UGT2B17: variants seen among roughly 807,000 people sequenced by gnomAD.
UGT2B17 encodes the protein UDP glucuronosyltransferase family 2 member B17.
UGT2B17 carries 21 observed loss-of-function variants against 48.2 expected under a neutral mutation model. The observed-to-expected ratio is 0.44, with a 90% CI of 0.31 to 0.63. The LOEUF (loss-of-function observed/expected upper bound fraction) is 0.63, where lower values mean the gene tolerates loss of function less well. UGT2B17 is among the 20% of genes least tolerant of loss of function. The pLI is 0.08. For missense variants in UGT2B17, 402 were observed against 696.1 expected (o/e 0.58, Z 4.75); for synonymous variants, 146 against 238.4 (o/e 0.61, Z 3.57).
chr4:68,573,133 C>T (rs1253863229), intron 1 of UGT2B17, among the ~76,000 whole-genome samples: 1 of 127,326 alleles, frequency 7.9e-6, no homozygotes, highest in Admixed American at 7.9e-5. Flanking sequence ...TAGGTTTTTC[C>T]TAAGAGTTAG....
intron 3 of UGT2B17, 73 bp downstream of exon 3, chr4:68,565,499 A>C (rs1229292323): frequency 8.5e-7 from 1 of 1,180,582 alleles, no homozygotes; most frequent in Non-Finnish European, 1.1e-6. Context: ...TGAGTTAAAC[A>C]CTCTGAAAGA....
rs1393287672 is a variant in UGT2B17 at position 68,562,410 on chromosome 4, G to A, written c.874-1742C>T. ...TTACAGGCTTGAGCCACTGTGCCCG[G>A]TCTGATATCAGTTTTAATTGGAGAT... On this transcript the variant is annotated intron_variant, in intron 3 of 6. Transcript: ENST00000317746. Among the ~76,000 whole-genome samples, 9 of 126,272 alleles carry A rather than the reference G, an allele frequency of 7.1e-5. 2 individuals carry two copies. The highest frequency in any genetic ancestry group is 6.7e-5 in the Non-Finnish European group (4 of 59,672). The allele number at this position is 126,272 out of a possible 152,430, so 82.8% of individuals were successfully genotyped here.
rs1296868554 is a variant in UGT2B17, at chr4:68,546,442, A to G, written c.1313+4235T>C. Among the ~76,000 whole-genome samples the G allele has an allele frequency of 1.6e-5, 2 of 126,544 alleles. 1 individual carries two copies. Among genetic ancestry groups the G allele is most frequent in the African/African-American group, 5.4e-5 (2 of 37,032 alleles). 83.0% of individuals were successfully genotyped at this position (126,544 alleles called of 152,430 possible). Reference sequence around the variant, plus strand: ...GGAGTATCTCCAAATAATAAGAGTTATCTATGACAAACCCACAGCAAATAT... The same window carrying G: ...GGAGTATCTCCAAATAATAAGAGTTGTCTATGACAAACCCACAGCAAATAT... On this transcript the variant is annotated intron_variant, in intron 6 of 6. Coordinates refer to ENST00000317746, the MANE Select transcript of UGT2B17 (RefSeq NM_001077.4).
At chr4:68,558,626 G>A (rs370206777) in intron 4 of UGT2B17, among the ~76,000 whole-genome samples, 1 of 125,766 alleles carries the variant, frequency 8.0e-6, no homozygotes, top group Non-Finnish European at 1.7e-5. Flanking sequence ...TTCAGAACCT[G>A]CTAAAAATGA....
At chr4:68,556,297 T>C (rs1190378138) in intron 4 of UGT2B17, among the ~76,000 whole-genome samples, 2 of 124,060 alleles carry the variant, frequency 1.6e-5, no homozygotes, top group African/African-American at 5.5e-5. Flanking sequence ...GTTTAACTTT[T>C]CTTGCATCTC....
Position 68,554,108 on chromosome 4 carries a change from G to A in UGT2B17, c.1006-2197C>T, listed in dbSNP as rs1447284769. 1.6e-4 allele frequency among the ~76,000 whole-genome samples: 20 copies of A among 125,664 alleles called. 5 individuals carry two copies. The highest frequency in any genetic ancestry group is 8.4e-5 in the Non-Finnish European group (5 of 59,358). 82.4% of individuals were successfully genotyped at this position (125,664 alleles called of 152,430 possible). ...TCTCAGAGGTCATACACCTCTGGAG[G>A]GAGAAACTGAGACACGTAAGAGGGT... is the stretch of plus-strand genomic sequence containing the variant. On this transcript the variant is annotated intron_variant, in intron 4 of 6. Coordinates refer to ENST00000317746, the MANE Select transcript of UGT2B17 (RefSeq NM_001077.4).
chr4:68,546,949 G>T (rs557247805), intron 6 of UGT2B17, among the ~76,000 whole-genome samples: 1 of 125,490 alleles, frequency 8.0e-6, no homozygotes, highest in Non-Finnish European at 1.7e-5. Context: ...ATGGAAGAAC[G>T]TTCCATGCTC....
In UGT2B17 at chr4:68,552,542, C is replaced by A. The variant is rs760594548; in HGVS notation, c.1006-631G>T. On this transcript the variant is annotated intron_variant, in intron 4 of 6. Transcript: ENST00000317746. ...CACATGTCACCAGGACCCCCTGAGG[C>A]TGTGTCATGGGTGCACATTTTCAAC... 1.6e-5 allele frequency among the ~76,000 whole-genome samples: 2 copies of A among 126,310 alleles called. 1 individual carries two copies. Among genetic ancestry groups the A allele is most frequent in the African/African-American group, 5.4e-5 (2 of 36,996 alleles). 82.9% of individuals were successfully genotyped at this position (126,310 alleles called of 152,430 possible). A position where few individuals can be genotyped will look rare whatever the true frequency, so the allele number is the denominator to read the frequency against.
At position 68,544,084 on chromosome 4, in the gene UGT2B17, C is replaced by T. The variant is rs1360013801; in HGVS notation, c.1314-6180G>A. Among the ~76,000 whole-genome samples, 10 of 125,104 alleles carry T rather than the reference C, an allele frequency of 8.0e-5. 3 individuals are homozygous for T. Among genetic ancestry groups the T allele is most frequent in the African/African-American group, 1.9e-4 (7 of 36,612 alleles). The allele number at this position is 125,104 out of a possible 152,430, so 82.1% of individuals were successfully genotyped here. A position where few individuals can be genotyped will look rare whatever the true frequency, so the allele number is the denominator to read the frequency against. On this transcript the variant is annotated intron_variant, in intron 6 of 6. Coordinates refer to ENST00000317746, the MANE Select transcript of UGT2B17 (RefSeq NM_001077.4). Reference sequence around the variant, plus strand: ...TCAAATTCAAGACATACAGAGAATGCCATAAAGATACTCCTCAAGAAGAGC... The same window carrying T: ...TCAAATTCAAGACATACAGAGAATGTCATAAAGATACTCCTCAAGAAGAGC...
At position 68,562,639 on chromosome 4, in the gene UGT2B17, A is replaced by T. The variant is rs1731125247; in HGVS notation, c.874-1971T>A. Among the ~76,000 whole-genome samples, 2 of 126,396 alleles carry T rather than the reference A, an allele frequency of 1.6e-5. 1 individual carries two copies. The highest frequency in any genetic ancestry group is 7.3e-4 in the South Asian group (2 of 2,736). 82.9% of individuals were successfully genotyped at this position (126,396 alleles called of 152,430 possible). A position where few individuals can be genotyped will look rare whatever the true frequency, so the allele number is the denominator to read the frequency against. Reference sequence around the variant, plus strand: ...ACTGATCTCATTCTGTGACGTCTTTATGAAAGCAATGGTAATAGAAGATCA... The same window carrying T: ...ACTGATCTCATTCTGTGACGTCTTTTTGAAAGCAATGGTAATAGAAGATCA... On this transcript the variant is annotated intron_variant, in intron 3 of 6. Transcript: ENST00000317746.
At chr4:68,559,793 A>G (rs1363792422) in intron 4 of UGT2B17, among the ~76,000 whole-genome samples, 2 of 126,518 alleles carry the variant, frequency 1.6e-5, no homozygotes, top group African/African-American at 2.7e-5. Context: ...TTCTTAGAGC[A>G]TAGTCTTTGT....
In UGT2B17 at chr4:68,560,607, G is replaced by A. The variant is rs199818226; in HGVS notation, c.935C>T (p.Ser312Leu). The change falls in exon 4 of 7, where the codon TCG (serine) becomes TTG (leucine). Residue 312 changes from serine to leucine, a missense_variant. Transcript: ENST00000317746. ...TTCTTCTGACATGTTACTGATCATC[G>A]ACCCCAGAGAAAACACCACAATACC... The part of the protein sequence containing the change: ...ENGIVVFSLG[S>L]MISNMSEESA... 2.3e-5 allele frequency: 30 copies of A among 1,316,382 alleles called. 5 individuals carry two copies. Among genetic ancestry groups the A allele is most frequent in the Middle Eastern group, 2.5e-4 (1 of 3,988 alleles). The allele number at this position is 1,316,382 out of a possible 1,614,324, so 81.5% of individuals were successfully genotyped here. A position where few individuals can be genotyped will look rare whatever the true frequency, so the allele number is the denominator to read the frequency against.
chr4:68,556,863 C>G (rs970824553), intron 4 of UGT2B17, among the ~76,000 whole-genome samples: 1 of 125,096 alleles, frequency 8.0e-6, no homozygotes, highest in Non-Finnish European at 1.7e-5. Context: ...CAAATGAATG[C>G]TTTATTTTAC....
chr4:68,565,984 A>T (rs1484495269), intron 2 of UGT2B17, among the ~76,000 whole-genome samples: 1 of 118,906 alleles, frequency 8.4e-6, no homozygotes, highest in Non-Finnish European at 1.7e-5. Flanking sequence ...AATATATTTT[A>T]ATTTAATAGT....
rs202193535 is a variant in UGT2B17, at chr4:68,551,959, A to G, written c.1006-48T>C. 3 of 1,173,196 alleles carry G rather than the reference A, an allele frequency of 2.6e-6. 1 individual carries two copies. In the African/African-American group the frequency reaches 4.7e-5, roughly 18 times the overall value. 72.7% of individuals were successfully genotyped at this position (1,173,196 alleles called of 1,614,324 possible). ...TTGTTCAATGAATAGAACTCTAAAAATATAACTTGTTAGAATTCTGAAGAG... is the reference window on the plus strand; with the variant it reads ...TTGTTCAATGAATAGAACTCTAAAAGTATAACTTGTTAGAATTCTGAAGAG... On this transcript the variant is annotated intron_variant, in intron 4 of 6. Transcript: ENST00000317746.
Position 68,558,838 on chromosome 4 carries a change from T to C in UGT2B17, c.1005+1699A>G, listed in dbSNP as rs1384382957. Among the ~76,000 whole-genome samples the C allele has an allele frequency of 2.4e-5, 3 of 125,564 alleles. 1 individual carries two copies. Among genetic ancestry groups the C allele is most frequent in the Non-Finnish European group, 5.1e-5 (3 of 59,320 alleles). The allele number at this position is 125,564 out of a possible 152,430, so 82.4% of individuals were successfully genotyped here. A position where few individuals can be genotyped will look rare whatever the true frequency, so the allele number is the denominator to read the frequency against. On this transcript the variant is annotated intron_variant, in intron 4 of 6. Coordinates refer to ENST00000317746, the MANE Select transcript of UGT2B17 (RefSeq NM_001077.4). Reference sequence around the variant, plus strand: ...CTCCCATTCTATTCAAAGACACCCCTCTGCTCACTGAGATAAATGCATATC... The same window carrying C: ...CTCCCATTCTATTCAAAGACACCCCCCTGCTCACTGAGATAAATGCATATC...
In UGT2B17 at chr4:68,552,700, C is replaced by T. The variant is rs1490409786; in HGVS notation, c.1006-789G>A. 4.0e-5 allele frequency among the ~76,000 whole-genome samples: 5 copies of T among 125,844 alleles called. 1 individual carries two copies. The highest frequency in any genetic ancestry group is 1.1e-4 in the African/African-American group (4 of 36,908). 82.6% of individuals were successfully genotyped at this position (125,844 alleles called of 152,430 possible). On this transcript the variant is annotated intron_variant, in intron 4 of 6. Coordinates refer to ENST00000317746, the MANE Select transcript of UGT2B17 (RefSeq NM_001077.4). ...TAAATGTCCTGTCAGTGCTTGGTAC[C>T]AGCATGAGCTAACTTTATGGCTCAA...
At chr4:68,539,145 T>C (rs1433972948) in intron 6 of UGT2B17, among the ~76,000 whole-genome samples, 2 of 126,184 alleles carry the variant, frequency 1.6e-5, no homozygotes, top group African/African-American at 2.7e-5. Flanking sequence ...TATGTGACTA[T>C]CTCAAAATTT....
In UGT2B17 at chr4:68,537,549, C is replaced by T. The variant is rs1420569769; in HGVS notation, c.*76G>A. 7 of 1,171,690 alleles carry T rather than the reference C, an allele frequency of 6.0e-6. 2 individuals are homozygous for T. The highest frequency in any genetic ancestry group is 6.5e-6 in the Non-Finnish European group (6 of 920,084). 72.6% of individuals were successfully genotyped at this position (1,171,690 alleles called of 1,614,324 possible). A position where few individuals can be genotyped will look rare whatever the true frequency, so the allele number is the denominator to read the frequency against. On this transcript the variant is annotated 3_prime_UTR_variant, in exon 7 of 7. Coordinates refer to ENST00000317746, the MANE Select transcript of UGT2B17 (RefSeq NM_001077.4). ...TTTGTCGCAGGAAAAAGGAAATCCTCCATTTAAAACCCTCCATGCTGGAAT... is the reference window on the plus strand; with the variant it reads ...TTTGTCGCAGGAAAAAGGAAATCCTTCATTTAAAACCCTCCATGCTGGAAT...
Sources: allele counts gnomAD v4.1 joint callset (sites outside exome capture counted in the v4.1 genomes callset), GRCh38; gene constraint gnomAD v4.1.1; transcripts MANE v1.5; gene names NCBI Gene and HGNC (gene_info 2026-07-23, HGNC 2026-07-21).